LGALS16: variants seen among roughly 807,000 people sequenced by gnomAD.
LGALS16 encodes galectin-16.
A neutral mutation model predicts 13.2 loss-of-function variants in LGALS16; 15 were observed. The observed-to-expected ratio is 1.13, with a 90% CI of 0.76 to 1.75. The LOEUF (loss-of-function observed/expected upper bound fraction) is 1.75, where lower values mean the gene tolerates loss of function less well. Among genes scored for constraint, LGALS16 ranks in the 40% most tolerant of loss-of-function variants. The probability of loss-of-function intolerance (pLI) is 0.00; values close to 1 mark genes in which losing one functional copy is unlikely to be tolerated. For missense variants in LGALS16, 198 were observed against 178.4 expected, an observed-to-expected ratio of 1.11 and a Z score of -0.63; for synonymous variants, 66 against 65.4, an observed-to-expected ratio of 1.01 and a Z score of -0.05.
chr19:39,659,908 C>A (rs1973240389), intron 3 of LGALS16, among the ~76,000 whole-genome samples: 9 of 152,190 alleles, frequency 5.9e-5, no homozygotes, highest in Admixed American at 5.9e-4. Flanking sequence ...CCTCCTTTAA[C>A]TCTCTAAGAA....
At chr19:39,657,695 A>T (rs1600817822) in intron 1 of LGALS16, 188 bp from the exon 2 acceptor site, 1 of 658,780 alleles carries the variant, frequency 1.5e-6, no homozygotes, top group East Asian at 2.7e-5. Flanking sequence ...TGGCTCCTGA[A>T]CCCTTGCTCT....
At chr19:39,656,678 T>C (rs1973198387) in intron 1 of LGALS16, among the ~76,000 whole-genome samples, 1 of 151,590 alleles carries the variant, frequency 6.6e-6, no homozygotes, top group Admixed American at 6.6e-5. Context: ...CCAGTAAGAG[T>C]GGGGAAGAGG....
chr19:39,657,426 T>G (rs1973206468), intron 1 of LGALS16, among the ~76,000 whole-genome samples: 1 of 152,106 alleles, frequency 6.6e-6, no homozygotes, highest in African/African-American at 2.4e-5. Flanking sequence ...CCTTGATGAT[T>G]GTGAGAGTTG....
chr19:39,659,547 A>G (rs527831075), intron 3 of LGALS16, among the ~76,000 whole-genome samples: 40 of 152,276 alleles, frequency 2.6e-4, no homozygotes, highest in African/African-American at 8.9e-4. Flanking sequence ...TTCTGCTTCA[A>G]TTGTTTATTT....
intron 3 of LGALS16, among the ~76,000 whole-genome samples, chr19:39,659,381 T>G (rs1973234919): frequency 1.3e-5 from 2 of 152,174 alleles, no homozygotes; most frequent in Non-Finnish European, 2.9e-5. Flanking sequence ...TGCCAACCCC[T>G]TCAGAGGAAA....
At position 39,655,975 on chromosome 19, in the gene LGALS16, CTG is replaced by C. The variant is rs1310146137; in HGVS notation, c.15+2_15+3del. 4 of 1,613,620 alleles carry C rather than the reference CTG, an allele frequency of 2.5e-6. No individual in the cohort carries two copies. The highest frequency in any genetic ancestry group is 4.5e-5 in the East Asian group (2 of 44,808). On this transcript the variant is annotated splice_donor_variant and coding_sequence_variant, in exon 1 of 4. Coordinates refer to ENST00000392051, the MANE Select transcript of LGALS16 (RefSeq NM_001190441.3). LOFTEE classifies it high-confidence loss of function. ...AAGGAGAGGACAATGTCATTTCTAACTGTGAGTTGAAAAGGCACAGCCTTCAA... is the reference window on the plus strand; with the variant it reads ...AAGGAGAGGACAATGTCATTTCTAACTGAGTTGAAAAGGCACAGCCTTCAA...
chr19:39,659,105 T>C (rs1973231588), intron 3 of LGALS16, among the ~76,000 whole-genome samples: 1 of 150,388 alleles, frequency 6.6e-6, no homozygotes, highest in Non-Finnish European at 1.5e-5. Flanking sequence ...CCTTTTTCTT[T>C]TTTTTTTTTT....
chr19:39,659,527 C>T (rs1036646043), intron 3 of LGALS16, among the ~76,000 whole-genome samples: 1 of 152,184 alleles, frequency 6.6e-6, no homozygotes. Flanking sequence ...AAGACATTAT[C>T]AATCCATGTT....
intron 1 of LGALS16, among the ~76,000 whole-genome samples, chr19:39,656,605 T>C (rs1973197669): frequency 6.6e-6 from 1 of 152,096 alleles, no homozygotes; most frequent in African/African-American, 2.4e-5. Flanking sequence ...AGATTGTGAG[T>C]TACCAAGGAC....
chr19:39,658,615 T>C lies in LGALS16; in HGVS notation c.248T>C (p.Phe83Ser), dbSNP rs1340460978. 1.9e-6 allele frequency: 3 copies of C among 1,604,154 alleles called. No homozygotes were observed. The highest frequency in any genetic ancestry group is 2.5e-6 in the Non-Finnish European group (3 of 1,177,580). Reference protein sequence around the residue: ...MLEENLHYVPFEDGKPFDLRI... With the variant: ...MLEENLHYVPSEDGKPFDLRI... ...GAGGAGAATTTACACTATGTGCCCT[T>C]TGAGGATGGCAAACCATTTGACTTG... Residue 83 changes from phenylalanine to serine, a missense_variant, in exon 3 of 4, where the codon TTT becomes TCT. Phe to Ser is a radical substitution (Grantham distance 155, BLOSUM62 -2). Transcript: ENST00000392051.
At position 39,658,771 on chromosome 19, in the gene LGALS16, C is replaced by T. The variant is rs145491433; in HGVS notation, c.303+101C>T. ...CTCACCAGTCCCTCAGGGCCCATCT[C>T]CCGTAACTACCCCTGCCCCAGGTTT... On this transcript the variant is annotated intron_variant, in intron 3 of 3. Coordinates refer to ENST00000392051, the MANE Select transcript of LGALS16 (RefSeq NM_001190441.3). 1.4e-4 allele frequency: 98 copies of T among 721,152 alleles called. No homozygotes were observed. In the East Asian group the frequency reaches 2.4e-3, roughly 18 times the overall value. 44.7% of individuals were successfully genotyped at this position (721,152 alleles called of 1,614,324 possible).
Position 39,658,677 on chromosome 19 carries a change from A to G in LGALS16, c.303+7A>G. The G allele has an allele frequency of 6.5e-7, 1 of 1,546,282 alleles. No homozygotes were observed. The highest frequency in any genetic ancestry group is 1.4e-5 in the African/African-American group (1 of 73,444). On this transcript the variant is annotated splice_region_variant and intron_variant, in intron 3 of 3. Transcript: ENST00000392051. ...GTGTCACAATGAGTATGAGGTGAGC[A>G]CCCCAGGAGCTCGCAGTACCCAGGC...
At chr19:39,659,783 T>G (rs917868054) in intron 3 of LGALS16, among the ~76,000 whole-genome samples, 1 of 152,250 alleles carries the variant, frequency 6.6e-6, no homozygotes, top group African/African-American at 2.4e-5. Context: ...CATACTTTCT[T>G]ACTTTCTCTA....
chr19:39,659,914 A>G (rs117566288), intron 3 of LGALS16, among the ~76,000 whole-genome samples: 4,441 of 152,286 alleles, frequency 0.029, 109 homozygotes, highest in Non-Finnish European at 0.043. Context: ...TTAACTCTCT[A>G]AGAACACTGG....
chr19:39,659,301 G>C (rs1479691549), intron 3 of LGALS16, among the ~76,000 whole-genome samples: 1 of 152,002 alleles, frequency 6.6e-6, no homozygotes, highest in Non-Finnish European at 1.5e-5. Context: ...GGCTGGTCTT[G>C]AACTCCCAGC....
intron 3 of LGALS16, among the ~76,000 whole-genome samples, chr19:39,659,999 A>G (rs972552646): frequency 9.2e-5 from 14 of 152,238 alleles, no homozygotes; most frequent in Non-Finnish European, 1.9e-4. Context: ...AGTGAAAGAC[A>G]GTCACAGTTC....
intron 3 of LGALS16, 34 bp downstream of exon 3, chr19:39,658,704 C>T: frequency 7.3e-7 from 1 of 1,377,774 alleles, no homozygotes; most frequent in Non-Finnish European, 1.0e-6. Flanking sequence ...TACCCAGGCT[C>T]TTTGGGATCC....
chr19:39,658,649 C>T lies in LGALS16; in HGVS notation c.282C>T (p.Tyr94=), dbSNP rs552315094. 5.7e-6 allele frequency: 9 copies of T among 1,584,518 alleles called. No individual in the cohort carries two copies. The highest frequency in any genetic ancestry group is 4.6e-5 in the East Asian group (2 of 43,692). The part of the protein sequence containing the change: ...EDGKPFDLRI[Y]VCHNEYEVKV... ...GCAAACCATTTGACTTGCGCATCTA[C>T]GTGTGTCACAATGAGTATGAGGTGA... The change falls in exon 3 of 4, where the codon TAC becomes TAT. Residue 94 remains tyrosine, a synonymous_variant. Transcript: ENST00000392051.
In LGALS16 at chr19:39,658,641, C is replaced by A. The variant is rs757249480; in HGVS notation, c.274C>A (p.Arg92Ser). Residue 92 changes from arginine (R) to serine (S), a missense_variant, in exon 3 of 4, where the codon CGC (arginine) becomes AGC (serine). Transcript: ENST00000392051. ...PFEDGKPFDL[R>S]IYVCHNEYEV... ...TGAGGATGGCAAACCATTTGACTTG[C>A]GCATCTACGTGTGTCACAATGAGTA... 6.3e-7 allele frequency: 1 copy of A among 1,590,242 alleles called. No individual in the cohort carries two copies. Among genetic ancestry groups the A allele is most frequent in the Non-Finnish European group, 8.5e-7 (1 of 1,171,752 alleles).
Sources: gnomAD v4.1 joint callset for allele counts (sites outside exome capture counted in the v4.1 genomes callset) on GRCh38, gnomAD v4.1.1 for gene constraint, MANE v1.5 for transcripts, NCBI Gene and HGNC (gene_info 2026-07-23, HGNC 2026-07-21) for gene names.